Variants in SKA3 observed in about 807,000 individuals in gnomAD.
SKA3 encodes the protein spindle and kinetochore-associated protein 3.
In SKA3, 39 loss-of-function variants were observed where a neutral mutation model predicts 44.2. The observed-to-expected ratio is 0.88, with a 90% CI of 0.68 to 1.15. SKA3 has a LOEUF of 1.15. Among genes scored for constraint, SKA3 ranks in the 50% most tolerant of loss-of-function variants. The probability of loss-of-function intolerance (pLI) is 0.00; values close to 1 mark genes in which losing one functional copy is unlikely to be tolerated. For missense variants in SKA3, 511 were observed against 485.8 expected (o/e 1.05, Z -0.49); for synonymous variants, 192 against 172.0 (o/e 1.12, Z -0.91).
In SKA3 at chr13:21,167,808, G is replaced by C. The variant is rs768600137; in HGVS notation, c.743+180C>G. Among the ~76,000 whole-genome samples, 17 of 148,228 alleles carry C rather than the reference G, an allele frequency of 1.1e-4. 1 individual carries two copies. Among genetic ancestry groups the C allele is most frequent in the Non-Finnish European group, 2.4e-4 (16 of 67,124 alleles). ...AAAAAAAACCAAAAAAAAACTTATTGATGTAACCAAACACCATCTGTTCCC... is the reference window on the plus strand; with the variant it reads ...AAAAAAAACCAAAAAAAAACTTATTCATGTAACCAAACACCATCTGTTCCC... On this transcript the variant is annotated intron_variant, in intron 4 of 8. Transcript: ENST00000314759.
chr13:21,164,939 T>C (rs1235016348), intron 4 of SKA3, among the ~76,000 whole-genome samples: 1 of 152,186 alleles, frequency 6.6e-6, no homozygotes, highest in Non-Finnish European at 1.5e-5. Context: ...TCTAATCATG[T>C]CAATTAATTT....
In SKA3 at chr13:21,176,516, C is replaced by A; in HGVS notation, c.-39G>T. 1 of 1,394,474 alleles carries A rather than the reference C, an allele frequency of 7.2e-7. No individual in the cohort carries two copies. Among genetic ancestry groups the A allele is most frequent in the Non-Finnish European group, 9.5e-7 (1 of 1,051,960 alleles). The allele number at this position is 1,394,474 out of a possible 1,614,324, so 86.4% of individuals were successfully genotyped here. On this transcript the variant is annotated 5_prime_UTR_variant, in exon 1 of 9. Transcript: ENST00000314759. The stretch of plus-strand genomic sequence containing the variant: ...GGGAAGGACTCCAGGCGTACGCAGA[C>A]CCCACCGCTCAGCTCACAGCCTCCC...
At chr13:21,165,411 G>T (rs1354651935) in intron 4 of SKA3, among the ~76,000 whole-genome samples, 1 of 151,776 alleles carries the variant, frequency 6.6e-6, no homozygotes, top group African/African-American at 2.4e-5. Context: ...GACAGACTAA[G>T]AACCTGTCTC....
At chr13:21,165,354 C>T (rs1870650822) in intron 4 of SKA3, among the ~76,000 whole-genome samples, 1 of 151,708 alleles carries the variant, frequency 6.6e-6, no homozygotes, top group African/African-American at 2.4e-5. Context: ...TCTAGGAAGT[C>T]GAAGCTGCAG....
chr13:21,155,619 A>T, intron 8 of SKA3, 74 bp downstream of exon 8: 1 of 963,720 alleles, frequency 1.0e-6, no homozygotes, highest in Non-Finnish European at 1.7e-6. Flanking sequence ...GTTGGTCAGG[A>T]TGGTCAAATG....
At position 21,158,074 on chromosome 13, in the gene SKA3, C is replaced by T; in HGVS notation, c.967G>A (p.Glu323Lys). 1 of 1,612,832 alleles carries T rather than the reference C, an allele frequency of 6.2e-7. No individual in the cohort carries two copies. Among genetic ancestry groups the T allele is most frequent in the South Asian group, 1.1e-5 (1 of 91,042 alleles). Reference sequence around the variant, plus strand: ...ACCAACGAAGTACGATCTTCAACTTCCAAATCATTTGATGAACTATTTGTT... The same window carrying T: ...ACCAACGAAGTACGATCTTCAACTTTCAAATCATTTGATGAACTATTTGTT... The part of the protein sequence containing the change: ...SKTNSSSNDL[E>K]VEDRTSLVLN... The change falls in exon 7 of 9, where the codon GAA becomes AAA. Residue 323 changes from glutamate to lysine, a missense_variant. Glu to Lys is a moderately conservative substitution (Grantham distance 56). Coordinates refer to ENST00000314759, the MANE Select transcript of SKA3 (RefSeq NM_145061.6).
Position 21,171,343 on chromosome 13 carries a change from G to A in SKA3, c.331+996C>T, listed in dbSNP as rs928016502. Among the ~76,000 whole-genome samples, 4 of 152,260 alleles carry A rather than the reference G, an allele frequency of 2.6e-5. No individual in the cohort carries two copies. The East Asian group carries it at 5.8e-4, about 22-fold the overall frequency. On this transcript the variant is annotated intron_variant, in intron 3 of 8. Transcript: ENST00000314759. ...TGTAGTCCCAGCACTTTGGGAGGCCGAGACAGGCGGATCACGAGGTCAGGA... is the reference window on the plus strand; with the variant it reads ...TGTAGTCCCAGCACTTTGGGAGGCCAAGACAGGCGGATCACGAGGTCAGGA...
intron 6 of SKA3, among the ~76,000 whole-genome samples, chr13:21,159,006 C>G (rs1405497729): frequency 6.6e-6 from 1 of 152,162 alleles, no homozygotes; most frequent in Non-Finnish European, 1.5e-5. Context: ...TAACACAGCC[C>G]TGTGTTCATC....
In SKA3 at chr13:21,172,649, C is replaced by T. The variant is rs778770559; in HGVS notation, c.136G>A (p.Asp46Asn). ...FEDYPMRILY[D>N]LHSEVQTLKD... ...AGAGTCTGAACTTCTGAATGAAGGTCATATAAAATTCTCATTGGATAATCT... is the reference window on the plus strand; with the variant it reads ...AGAGTCTGAACTTCTGAATGAAGGTTATATAAAATTCTCATTGGATAATCT... The change falls in exon 2 of 9, where the codon GAC (aspartate) becomes AAC (asparagine). Residue 46 changes from aspartate to asparagine, a missense_variant. By Grantham distance (23) the Asp-to-Asn change is conservative (BLOSUM62 1). Coordinates refer to ENST00000314759, the MANE Select transcript of SKA3 (RefSeq NM_145061.6). 4 of 1,582,766 alleles carry T rather than the reference C, an allele frequency of 2.5e-6. No homozygotes were observed. Among genetic ancestry groups the T allele is most frequent in the Non-Finnish European group, 3.4e-6 (4 of 1,161,642 alleles).
At chr13:21,155,611 T>C (rs1353512169) in intron 8 of SKA3, 82 bp downstream of exon 8, 1 of 733,650 alleles carries the variant, frequency 1.4e-6, no homozygotes, top group African/African-American at 1.8e-5. Flanking sequence ...TTCACCATGT[T>C]GGTCAGGATG....
intron 3 of SKA3, among the ~76,000 whole-genome samples, chr13:21,169,639 T>C (rs1357309787): frequency 6.6e-6 from 1 of 152,198 alleles, no homozygotes; most frequent in Non-Finnish European, 1.5e-5. Context: ...ATACTTTCGC[T>C]AATAAATCTG....
chr13:21,164,502 A>C (rs973155080), intron 4 of SKA3, among the ~76,000 whole-genome samples: 3 of 152,266 alleles, frequency 2.0e-5, no homozygotes, highest in Non-Finnish European at 4.4e-5. Flanking sequence ...TACATTCCTG[A>C]CAATGATATA....
intron 1 of SKA3, among the ~76,000 whole-genome samples, chr13:21,173,281 A>G (rs1871179657): frequency 6.6e-6 from 1 of 151,990 alleles, no homozygotes; most frequent in Non-Finnish European, 1.5e-5. Flanking sequence ...TTTGAGATGG[A>G]GTTTCGCTCT....
intron 4 of SKA3, among the ~76,000 whole-genome samples, chr13:21,166,761 C>T (rs1266860973): frequency 1.3e-5 from 2 of 152,068 alleles, no homozygotes; most frequent in East Asian, 1.9e-4. Flanking sequence ...AAACAAAACA[C>T]ACAATATAGT....
chr13:21,165,007 A>T (rs1436880930), intron 4 of SKA3, among the ~76,000 whole-genome samples: 2 of 152,118 alleles, frequency 1.3e-5, no homozygotes, highest in African/African-American at 4.8e-5. Flanking sequence ...TTCACTGTTT[A>T]AACAGATAAC....
At chr13:21,161,918 C>T (rs1029552339) in intron 4 of SKA3, 43 bp from the exon 5 acceptor site, 1 of 1,143,916 alleles carries the variant, frequency 8.7e-7, no homozygotes, top group Non-Finnish European at 1.2e-6. Context: ...AAAAAGTTAA[C>T]ATTCAATCTC....
intron 1 of SKA3, 70 bp from the exon 2 acceptor site, chr13:21,172,751 A>T (rs1595306873): frequency 1.2e-6 from 1 of 829,390 alleles, no homozygotes; most frequent in Non-Finnish European, 1.9e-6. Context: ...AAAGAATAGT[A>T]TACAATCATA....
In SKA3 at chr13:21,158,258, C is replaced by T. The variant is rs1444734298; in HGVS notation, c.916-133G>A. 5.0e-6 allele frequency: 3 copies of T among 605,028 alleles called. No individual in the cohort carries two copies. The African/African-American group carries it at 5.6e-5, about 11-fold the overall frequency. The allele number at this position is 605,028 out of a possible 1,614,324, so 37.5% of individuals were successfully genotyped here. On this transcript the variant is annotated intron_variant, in intron 6 of 8. Transcript: ENST00000314759. ...ATGCCCCATCTTCTCTGACCAAGTT[C>T]TAAACAAAATCAAGAACAAATGGCA...
At chr13:21,165,176 A>T (rs1870639753) in intron 4 of SKA3, among the ~76,000 whole-genome samples, 1 of 151,930 alleles carries the variant, frequency 6.6e-6, no homozygotes, top group Non-Finnish European at 1.5e-5. Flanking sequence ...TACTTCAAAA[A>T]TACCTTCAGG....
Sources: gnomAD v4.1 joint callset for allele counts (sites outside exome capture counted in the v4.1 genomes callset) on GRCh38, gnomAD v4.1.1 for gene constraint, MANE v1.5 for transcripts, NCBI Gene and HGNC (gene_info 2026-07-23, HGNC 2026-07-21) for gene names.